STK4: variants seen among roughly 807,000 people sequenced by gnomAD.
STK4 encodes serine/threonine-protein kinase 4.
Under a neutral mutation model 64.9 loss-of-function variants are expected in STK4, and 30 were observed. That is an observed-to-expected ratio of 0.46 (90% confidence interval 0.35 to 0.63). The LOEUF (loss-of-function observed/expected upper bound fraction) is 0.63, where lower values mean the gene tolerates loss of function less well. Among genes scored for constraint, STK4 ranks in the 20% least tolerant of loss-of-function variants. The probability of loss-of-function intolerance (pLI) is 0.01; values close to 1 mark genes in which losing one functional copy is unlikely to be tolerated. For synonymous variants in STK4, 177 were observed against 199.0 expected, an observed-to-expected ratio of 0.89 and a Z score of 0.93; for missense variants, 466 against 598.5, an observed-to-expected ratio of 0.78 and a Z score of 2.31.
At position 45,077,860 on chromosome 20, in the gene STK4, C is replaced by T. The variant is rs1250525043; in HGVS notation, c.*2684C>T. On this transcript the variant is annotated 3_prime_UTR_variant, in exon 11 of 11. Transcript: ENST00000372806. Reference sequence around the variant, plus strand: ...GTTTTGTTTCAGGAATGTGTGCACCCAGCTTGCTGATCCAACAAAGTCTAT... The same window carrying T: ...GTTTTGTTTCAGGAATGTGTGCACCTAGCTTGCTGATCCAACAAAGTCTAT... 1 of 152,176 alleles carries T rather than the reference C, an allele frequency of 6.6e-6. No homozygotes were observed. The highest frequency in any genetic ancestry group is 2.4e-5 in the African/African-American group (1 of 41,424). 9.4% of individuals were successfully genotyped at this position (152,176 alleles called of 1,614,324 possible).
At chr20:45,055,057 TCTCTGG>T (rs1402192750) in intron 10 of STK4, among the ~76,000 whole-genome samples, 2 of 152,158 alleles carry the variant, frequency 1.3e-5, no homozygotes, top group Admixed American at 6.5e-5. Flanking sequence ...GTACACAATT[TCTCTGG>T]CCCCTGGATA....
chr20:44,982,113 T>C (rs1386737992), intron 4 of STK4, among the ~76,000 whole-genome samples, 170 bp downstream of exon 4: 2 of 149,530 alleles, frequency 1.3e-5, no homozygotes, highest in African/African-American at 5.0e-5. Flanking sequence ...TGACAGCTTT[T>C]TTTTTTTTTT....
chr20:44,987,093 G>A (rs1445054227), intron 4 of STK4, 39 bp from the exon 5 acceptor site: 1 of 1,529,720 alleles, frequency 6.5e-7, no homozygotes, highest in Non-Finnish European at 8.9e-7. Flanking sequence ...ATGCGCTGAT[G>A]TAAACTGATA....
chr20:44,990,299 T>C (rs1420903744), intron 5 of STK4, among the ~76,000 whole-genome samples: 1 of 152,244 alleles, frequency 6.6e-6, no homozygotes, highest in Non-Finnish European at 1.5e-5. Context: ...TTTTTGATAC[T>C]ATTTTAAATG....
intron 9 of STK4, among the ~76,000 whole-genome samples, chr20:45,022,858 AT>A (rs1252400217): frequency 1.3e-5 from 2 of 152,208 alleles, no homozygotes; most frequent in Non-Finnish European, 2.9e-5. Flanking sequence ...TTAGTCATTT[AT>A]CTGTGCATAT....
chr20:44,984,270 G>A (rs1264017876), intron 4 of STK4, among the ~76,000 whole-genome samples: 1 of 127,806 alleles, frequency 7.8e-6, no homozygotes, highest in Non-Finnish European at 1.6e-5. Context: ...ACTCGGCTCA[G>A]TGCAAGCTCC....
At chr20:45,033,429 C>G (rs1254335116) in intron 10 of STK4, among the ~76,000 whole-genome samples, 2 of 152,026 alleles carry the variant, frequency 1.3e-5, no homozygotes, top group Non-Finnish European at 2.9e-5. Context: ...GTCTTTAATT[C>G]ATTTTGAGTT....
intron 10 of STK4, among the ~76,000 whole-genome samples, chr20:45,035,149 AT>A: frequency 6.6e-6 from 1 of 152,302 alleles, no homozygotes; most frequent in Non-Finnish European, 1.5e-5. Flanking sequence ...TCATGCTACC[AT>A]TTCTATGTAT....
At chr20:45,007,899 C>CTCAT in intron 9 of STK4, 1 of 284,618 alleles carries the variant, frequency 3.5e-6, no homozygotes, top group Non-Finnish European at 7.1e-6. Flanking sequence ...TCCCTCTCAC[C>CTCAT]TCTAGTAGTC....
chr20:45,060,405 T>C (rs1978887551), intron 10 of STK4, among the ~76,000 whole-genome samples: 1 of 152,256 alleles, frequency 6.6e-6, no homozygotes, highest in Admixed American at 6.5e-5. Flanking sequence ...GACCTTTCCC[T>C]GATTTAGAAT....
intron 10 of STK4, among the ~76,000 whole-genome samples, chr20:45,040,509 T>C (rs1408642703): frequency 2.0e-5 from 3 of 152,082 alleles, no homozygotes; most frequent in Non-Finnish European, 4.4e-5. Context: ...TTAAATGTTT[T>C]ATTGAGGTAT....
At chr20:44,982,869 A>ATAACT (rs1465860831) in intron 4 of STK4, among the ~76,000 whole-genome samples, 1,950 of 152,324 alleles carry the variant, frequency 0.013, 40 homozygotes, top group African/African-American at 0.044. Flanking sequence ...GTAACTATTA[A>ATAACT]TAGAAAAGAT....
chr20:44,993,185 A>G (rs1314592360), intron 5 of STK4, among the ~76,000 whole-genome samples: 2 of 151,832 alleles, frequency 1.3e-5, no homozygotes, highest in African/African-American at 4.8e-5. Context: ...TGACATTTTA[A>G]TCATAAATCA....
In STK4 at chr20:44,970,113, C is replaced by T. The variant is rs534167610; in HGVS notation, c.36-1965C>T. 5.9e-5 allele frequency among the ~76,000 whole-genome samples: 9 copies of T among 152,014 alleles called. No homozygotes were observed. The East Asian group carries it at 1.2e-3, about 20-fold the overall frequency. On this transcript the variant is annotated intron_variant, in intron 1 of 10. Coordinates refer to ENST00000372806, the MANE Select transcript of STK4 (RefSeq NM_006282.5). ...ACTTAGATTGTTTCAAAGATGTATT[C>T]GAGCCGTCATATGCTAAATGACGAG...
At chr20:45,017,498 G>A (rs1186590794) in intron 9 of STK4, among the ~76,000 whole-genome samples, 1 of 152,218 alleles carries the variant, frequency 6.6e-6, no homozygotes, top group Non-Finnish European at 1.5e-5. Context: ...AGTCAGAAAG[G>A]TAGAAATGTG....
intron 10 of STK4, among the ~76,000 whole-genome samples, chr20:45,035,918 CAT>C (rs1014904116): frequency 2.0e-5 from 3 of 152,170 alleles, no homozygotes; most frequent in African/African-American, 7.2e-5. Flanking sequence ...CCAGGCATTA[CAT>C]ATGTTACCTC....
intron 9 of STK4, among the ~76,000 whole-genome samples, chr20:45,013,523 G>T (rs555233398): frequency 6.6e-5 from 10 of 152,126 alleles, no homozygotes; most frequent in African/African-American, 2.4e-4. Context: ...GAGTTATTCG[G>T]AAGTGTTTTT....
In STK4 at chr20:45,077,048, AC is replaced by A. The variant is rs1189963674; in HGVS notation, c.*1875del. 6.6e-6 allele frequency: 1 copy of A among 152,168 alleles called. No homozygotes were observed. Among genetic ancestry groups the A allele is most frequent in the Non-Finnish European group, 1.5e-5 (1 of 68,024 alleles). 9.4% of individuals were successfully genotyped at this position (152,168 alleles called of 1,614,324 possible). A position where few individuals can be genotyped will look rare whatever the true frequency, so the allele number is the denominator to read the frequency against. On this transcript the variant is annotated 3_prime_UTR_variant, in exon 11 of 11. Transcript: ENST00000372806. Reference sequence around the variant, plus strand: ...TGGGTAGGCTCTAAACTTCACAATAACCCTGTGACTTAACTACTTTATCTCC... The same window carrying A: ...TGGGTAGGCTCTAAACTTCACAATAACCTGTGACTTAACTACTTTATCTCC...
At chr20:45,035,758 A>G (rs2068517847) in intron 10 of STK4, among the ~76,000 whole-genome samples, 1 of 152,200 alleles carries the variant, frequency 6.6e-6, no homozygotes, top group South Asian at 2.1e-4. Context: ...TAGTCTCTGA[A>G]TTCATTCATT....
Sources: allele counts gnomAD v4.1 joint callset (sites outside exome capture counted in the v4.1 genomes callset), GRCh38; gene constraint gnomAD v4.1.1; transcripts MANE v1.5; gene names NCBI Gene and HGNC (gene_info 2026-07-23, HGNC 2026-07-21).